The following MMS22L variants were observed in gnomAD, a reference collection of about 807,000 sequenced individuals.
The protein encoded by MMS22L is protein MMS22-like.
MMS22L carries 74 observed loss-of-function variants against 159.1 expected under a neutral mutation model. The observed-to-expected ratio is 0.47, with a 90% CI of 0.39 to 0.56. The LOEUF (loss-of-function observed/expected upper bound fraction) is 0.56, where lower values mean the gene tolerates loss of function less well. Among genes scored for constraint, MMS22L ranks in the 20% least tolerant of loss-of-function variants. MMS22L has a pLI of 0.00. For missense variants in MMS22L, 1,351 were observed against 1,422.1 expected (o/e 0.95, Z 0.80); for synonymous variants, 517 against 506.9 (o/e 1.02, Z -0.27).
rs34856577 is a variant in MMS22L, at chr6:97,144,105, CAAAA to C, written c.*2697_*2700del. 2.2e-4 allele frequency: 19 copies of C among 87,326 alleles called. No individual in the cohort carries two copies. The highest frequency in any genetic ancestry group is 1.7e-3 in the South Asian group (4 of 2,412). The allele number at this position is 87,326 out of a possible 1,614,324, so 5.4% of individuals were successfully genotyped here. Reference sequence around the variant, plus strand: ...CTCAAAACAACAACAACAACAACAACAAAAAAAAAAAAAAAAAAAAAAAGAGAGA... The same window carrying C: ...CTCAAAACAACAACAACAACAACAACAAAAAAAAAAAAAAAAAAAGAGAGA... On this transcript the variant is annotated 3_prime_UTR_variant, in exon 25 of 25. Coordinates refer to ENST00000683635, the MANE Select transcript of MMS22L (RefSeq NM_001350599.2).
intron 8 of MMS22L, chr6:97,265,351 C>T (rs562308156): frequency 6.6e-6 from 1 of 152,154 alleles, no homozygotes; most frequent in Admixed American, 6.5e-5. Flanking sequence ...GAAAAATCAA[C>T]TCAAAATAAA....
intron 14 of MMS22L, among the ~76,000 whole-genome samples, chr6:97,225,572 G>GTTTTTTTTTTTTTTTTTT: frequency 7.0e-6 from 1 of 142,110 alleles, no homozygotes; most frequent in African/African-American, 2.6e-5. Flanking sequence ...TGGTCTCGAA[G>GTTTTTTTTTTTTTTTTTT]TTTTTTTTTT....
chr6:97,184,614 C>T (rs918138331), intron 15 of MMS22L, among the ~76,000 whole-genome samples: 2 of 152,024 alleles, frequency 1.3e-5, no homozygotes, highest in African/African-American at 2.4e-5. Flanking sequence ...ATTTGGTTAC[C>T]GTATCTTACC....
chr6:97,220,646 C>T (rs1451100320), intron 14 of MMS22L, among the ~76,000 whole-genome samples: 1 of 151,812 alleles, frequency 6.6e-6, no homozygotes, highest in Non-Finnish European at 1.5e-5. Context: ...AGGAATTCAC[C>T]AAAGAAGACA....
At position 97,282,544 on chromosome 6, in the gene MMS22L, G is replaced by T; in HGVS notation, c.-67C>A. ...ATTAAGGGCTCCAAAGAGAAGGTGTGAAGAGATTCCTGTTGGGGGGGGGGG... is the reference window on the plus strand; with the variant it reads ...ATTAAGGGCTCCAAAGAGAAGGTGTTAAGAGATTCCTGTTGGGGGGGGGGG... On this transcript the variant is annotated 5_prime_UTR_variant, in exon 2 of 25. Coordinates refer to ENST00000683635, the MANE Select transcript of MMS22L (RefSeq NM_001350599.2). 1.9e-5 allele frequency: 5 copies of T among 258,562 alleles called. No homozygotes were observed. The highest frequency in any genetic ancestry group is 3.1e-5 in the Non-Finnish European group (5 of 160,250). The allele number at this position is 258,562 out of a possible 1,614,324, so 16.0% of individuals were successfully genotyped here.
At chr6:97,163,867 G>T (rs1417763813) in intron 21 of MMS22L, among the ~76,000 whole-genome samples, 1 of 151,996 alleles carries the variant, frequency 6.6e-6, no homozygotes, top group Non-Finnish European at 1.5e-5. Flanking sequence ...AGGCATTTTG[G>T]AGGGGCAATA....
Position 97,162,005 on chromosome 6 carries a change from G to C in MMS22L, c.3382C>G (p.Gln1128Glu). 1 of 1,606,600 alleles carries C rather than the reference G, an allele frequency of 6.2e-7. No homozygotes were observed. Among genetic ancestry groups the C allele is most frequent in the Non-Finnish European group, 8.5e-7 (1 of 1,177,648 alleles). Reference sequence around the variant, plus strand: ...AAAAATAAGCTTACAAACAAACCTTGTGGTTCACTGACTAACACCAAGCAT... The same window carrying C: ...AAAAATAAGCTTACAAACAAACCTTCTGGTTCACTGACTAACACCAAGCAT... ...LKCLVLVSEP[Q>E]VKRLATENLQ... The change falls in exon 22 of 25, where the codon CAA (glutamine) becomes GAA (glutamate). Residue 1128 changes from glutamine (Q) to glutamate (E), a missense_variant. Transcript: ENST00000683635.
intron 22 of MMS22L, among the ~76,000 whole-genome samples, chr6:97,155,947 A>G (rs1163025875): frequency 6.6e-6 from 1 of 152,092 alleles, no homozygotes; most frequent in South Asian, 2.1e-4. Context: ...CACACTCCCA[A>G]CAGTGTGAAA....
At chr6:97,275,242 T>C (rs896593645) in intron 4 of MMS22L, among the ~76,000 whole-genome samples, 1 of 152,162 alleles carries the variant, frequency 6.6e-6, no homozygotes, top group African/African-American at 2.4e-5. Context: ...GATAAAAGAA[T>C]TATTGGCCGG....
At chr6:97,260,913 T>G (rs1214858417) in intron 9 of MMS22L, 1 of 152,090 alleles carries the variant, frequency 6.6e-6, no homozygotes, top group African/African-American at 2.4e-5. Flanking sequence ...TTTTTGGTGG[T>G]GGTGTTTTAA....
At chr6:97,246,249 C>A in intron 11 of MMS22L, 1 of 419,552 alleles carries the variant, frequency 2.4e-6, no homozygotes, top group Non-Finnish European at 4.6e-6. Flanking sequence ...AGACAAATTG[C>A]TCAGCAAGGC....
At position 97,237,208 on chromosome 6, in the gene MMS22L, G is replaced by A. The variant is rs529053081; in HGVS notation, c.1183-3228C>T. On this transcript the variant is annotated intron_variant, in intron 11 of 24. Coordinates refer to ENST00000683635, the MANE Select transcript of MMS22L (RefSeq NM_001350599.2). ...TAAAAGAAAATCTAATAAGAAGTGA[G>A]GCTATTAAGAAATTGAAAGGACAGT... Among the ~76,000 whole-genome samples, 59 of 152,190 alleles carry A rather than the reference G, an allele frequency of 3.9e-4. 3 individuals carry two copies. The South Asian group carries it at 0.011, about 28-fold the overall frequency.
chr6:97,253,054 A>G (rs773100138), intron 10 of MMS22L, among the ~76,000 whole-genome samples: 6 of 152,202 alleles, frequency 3.9e-5, no homozygotes, highest in Non-Finnish European at 7.4e-5. Flanking sequence ...CTTTTCTGTG[A>G]GAAGTTCATT....
chr6:97,161,233 A>G (rs1380442277), intron 22 of MMS22L, among the ~76,000 whole-genome samples: 2 of 152,018 alleles, frequency 1.3e-5, no homozygotes, highest in Non-Finnish European at 2.9e-5. Context: ...ATGTAACCTC[A>G]GGTACGCCCA....
At chr6:97,248,773 C>T (rs1379264424) in intron 10 of MMS22L, among the ~76,000 whole-genome samples, 1 of 151,682 alleles carries the variant, frequency 6.6e-6, no homozygotes, top group African/African-American at 2.4e-5. Flanking sequence ...GCAGGAGAAT[C>T]GCTTGAACCC....
intron 16 of MMS22L, 59 bp from the exon 17 acceptor site, chr6:97,179,618 T>C (rs1804496777): frequency 2.2e-4 from 288 of 1,329,268 alleles, no homozygotes; most frequent in Non-Finnish European, 2.7e-4. Context: ...GTATAGAGAT[T>C]AAGAAGTAAA....
chr6:97,247,108 A>G (rs1812744590), intron 10 of MMS22L, among the ~76,000 whole-genome samples: 1 of 151,938 alleles, frequency 6.6e-6, no homozygotes, highest in Non-Finnish European at 1.5e-5. Flanking sequence ...TGTGAATAAC[A>G]AACCTGAGAC....
rs1810563410 is a variant in MMS22L at position 97,229,058 on chromosome 6, G to A, written c.1875C>T (p.Ser625=). Residue 625 remains serine, a synonymous_variant, in exon 14 of 25, where the codon TCC becomes TCT. Transcript: ENST00000683635. The stretch of plus-strand genomic sequence containing the variant: ...CTTCTTGAACACCATCAATGTATAT[G>A]GAAAGAAGGGTCCAGATAGTCTGTC... ...VQRQTIWTLL[S]IYIDGVQEVF... 6.2e-7 allele frequency: 1 copy of A among 1,613,928 alleles called. No homozygotes were observed. Among genetic ancestry groups the A allele is most frequent in the African/African-American group, 1.3e-5 (1 of 74,892 alleles).
chr6:97,172,904 A>G (rs887224972), intron 19 of MMS22L, among the ~76,000 whole-genome samples, 159 bp downstream of exon 19: 4 of 152,190 alleles, frequency 2.6e-5, no homozygotes, highest in Non-Finnish European at 5.9e-5. Context: ...ATACATTTGA[A>G]GGCCAACATG....
Sources: allele counts gnomAD v4.1 joint callset (sites outside exome capture counted in the v4.1 genomes callset), GRCh38; gene constraint gnomAD v4.1.1; transcripts MANE v1.5; gene names NCBI Gene and HGNC (gene_info 2026-07-23, HGNC 2026-07-21).